GLI2: variants seen among roughly 807,000 people sequenced by gnomAD.
The protein encoded by GLI2 is GLI family zinc finger 2, also known as transcription activator GLI2.
GLI2 carries 22 observed loss-of-function variants against 78.9 expected under a neutral mutation model. That is an observed-to-expected ratio of 0.28 (90% CI 0.20 to 0.40). GLI2 has a LOEUF of 0.40. GLI2 is among the 10% of genes least tolerant of loss of function. The pLI, the probability that GLI2 is intolerant of heterozygous loss-of-function variation, is 1.00. For synonymous variants in GLI2, 974 were observed against 963.7 expected (o/e 1.01, Z -0.20); for missense variants, 2,097 against 2,213.2 (o/e 0.95, Z 1.05).
intron 2 of GLI2, among the ~76,000 whole-genome samples, chr2:120,924,205 C>T (rs1044039750): frequency 6.6e-6 from 1 of 152,146 alleles, no homozygotes; most frequent in Non-Finnish European, 1.5e-5. Flanking sequence ...GCTGGGAAGA[C>T]CCAGGAGCTG....
At chr2:120,909,271 G>T (rs1678693333) in intron 2 of GLI2, among the ~76,000 whole-genome samples, 2 of 151,918 alleles carry the variant, frequency 1.3e-5, no homozygotes, top group South Asian at 2.1e-4. Context: ...GCCTGGCTGG[G>T]CCCTGCAGCC....
At chr2:120,936,083 C>T (rs896107189) in intron 3 of GLI2, among the ~76,000 whole-genome samples, 2 of 152,216 alleles carry the variant, frequency 1.3e-5, no homozygotes, top group Admixed American at 6.5e-5. Context: ...TCCCCACTGT[C>T]GGACATTTCC....
intron 1 of GLI2, among the ~76,000 whole-genome samples, chr2:120,747,386 C>G (rs1215403132): frequency 6.6e-6 from 1 of 152,160 alleles, no homozygotes; most frequent in African/African-American, 2.4e-5. Flanking sequence ...CCATGTTCAC[C>G]TGGGCAGTAG....
chr2:120,961,228 C>G (rs911751817), intron 5 of GLI2, among the ~76,000 whole-genome samples: 3 of 152,204 alleles, frequency 2.0e-5, no homozygotes, highest in African/African-American at 7.2e-5. Context: ...ATGTCACCTC[C>G]ATTCTGACGC....
rs1553480343 is a variant in GLI2, at chr2:120,992,048, A to ACACACC, written c.*1376_*1377insACCCAC. On this transcript the variant is annotated 3_prime_UTR_variant, in exon 14 of 14. Transcript: ENST00000361492. ...CACACACACACACACACACACACACACACCCCAAACCTTTTCATGGGGAAT... is the reference window on the plus strand; with the variant it reads ...CACACACACACACACACACACACACACACACCCACCCCAAACCTTTTCATGGGGAAT... 1 of 147,514 alleles carries ACACACC rather than the reference A, an allele frequency of 6.8e-6. No individual in the cohort carries two copies. The highest frequency in any genetic ancestry group is 1.5e-5 in the Non-Finnish European group (1 of 67,486). 9.1% of individuals were successfully genotyped at this position (147,514 alleles called of 1,614,324 possible). A position where few individuals can be genotyped will look rare whatever the true frequency, so the allele number is the denominator to read the frequency against.
rs542836637 is a variant in GLI2 at position 120,895,786 on chromosome 2, CCA to C, written c.149-31574_149-31573del. ...TTCCCTGGGAGGATGGGCCCGGAACCCAGAGACACTTCGTCTGGTCACTGGTC... is the reference window on the plus strand; with the variant it reads ...TTCCCTGGGAGGATGGGCCCGGAACCGAGACACTTCGTCTGGTCACTGGTC... On this transcript the variant is annotated intron_variant, in intron 2 of 13. Transcript: ENST00000361492. Among the ~76,000 whole-genome samples, 4 of 152,290 alleles carry C rather than the reference CCA, an allele frequency of 2.6e-5. No individual in the cohort carries two copies. In the South Asian group the frequency reaches 8.3e-4, roughly 32 times the overall value.
chr2:120,769,000 C>T (rs1683449118), intron 1 of GLI2, among the ~76,000 whole-genome samples: 1 of 152,200 alleles, frequency 6.6e-6, no homozygotes, highest in Non-Finnish European at 1.5e-5. Flanking sequence ...TGACAGCCTT[C>T]CCCAGGCTGG....
intron 3 of GLI2, among the ~76,000 whole-genome samples, chr2:120,945,535 A>C (rs1444861379): frequency 6.6e-6 from 1 of 152,168 alleles, no homozygotes; most frequent in East Asian, 1.9e-4. Flanking sequence ...CATTCTGGGC[A>C]GTGGGAAGCT....
intron 2 of GLI2, among the ~76,000 whole-genome samples, chr2:120,816,197 T>G (rs1685485313): frequency 6.6e-6 from 1 of 151,012 alleles, no homozygotes; most frequent in Non-Finnish European, 1.5e-5. Context: ...AAGAGCTTTT[T>G]TTTTTTTTTT....
At position 120,970,581 on chromosome 2, in the gene GLI2, G is replaced by A. The variant is rs1558925321; in HGVS notation, c.1034G>A (p.Ser345Asn). The A allele has an allele frequency of 1.2e-6, 2 of 1,613,946 alleles. No individual in the cohort carries two copies. Among genetic ancestry groups the A allele is most frequent in the East Asian group, 2.2e-5 (1 of 44,896 alleles). ...ACGCCCACCCAGCTCAGCAGCAGCA[G>A]CAACTGTCTGAGTGACACCAACCAG... ...NATPTQLSSS[S>N]NCLSDTNQNK... Residue 345 changes from serine to asparagine, a missense_variant, in exon 7 of 14, where the codon AGC (serine) becomes AAC (asparagine). Ser to Asn is a conservative substitution (Grantham distance 46, BLOSUM62 1). Around this residue, in one of 5 missense-constraint regions of GLI2, gnomAD observed 578 missense variants for 612.0 expected, o/e 0.94. Coordinates refer to ENST00000361492, the MANE Select transcript of GLI2 (RefSeq NM_001374353.1).
chr2:120,807,832 G>A (rs903093705), intron 2 of GLI2, among the ~76,000 whole-genome samples: 5 of 152,152 alleles, frequency 3.3e-5, no homozygotes, highest in Non-Finnish European at 4.4e-5. Flanking sequence ...CTGTGTGCAC[G>A]GCTTGCTTGG....
rs111956094 is a variant in GLI2 at position 120,861,653 on chromosome 2, G to A, written c.148+64185G>A. Among the ~76,000 whole-genome samples, 1,460 of 152,338 alleles carry A rather than the reference G, an allele frequency of 9.6e-3. 24 individuals carry two copies. The highest frequency in any genetic ancestry group is 0.033 in the African/African-American group (1,382 of 41,568). ...CAGGGATTAACCCTCCACGGCCCGT[G>A]GCATTCTCCCAGCTCGCTGACCCTG... is the stretch of plus-strand genomic sequence containing the variant. On this transcript the variant is annotated intron_variant, in intron 2 of 13. Coordinates refer to ENST00000361492, the MANE Select transcript of GLI2 (RefSeq NM_001374353.1).
intron 2 of GLI2, among the ~76,000 whole-genome samples, chr2:120,908,456 C>A (rs886945266): frequency 6.6e-6 from 1 of 152,190 alleles, no homozygotes; most frequent in Admixed American, 6.5e-5. Flanking sequence ...ATCTGCTTCC[C>A]GTGCAGACTC....
intron 2 of GLI2, among the ~76,000 whole-genome samples, chr2:120,876,296 A>G (rs942597080): frequency 6.6e-6 from 1 of 152,160 alleles, no homozygotes; most frequent in Non-Finnish European, 1.5e-5. Flanking sequence ...GAGCCGAGAT[A>G]GCGCCACTGC....
intron 2 of GLI2, among the ~76,000 whole-genome samples, chr2:120,823,797 C>T (rs903361338): frequency 3.3e-5 from 5 of 152,152 alleles, no homozygotes; most frequent in African/African-American, 1.2e-4. Context: ...GAAGTGAAGC[C>T]GTGTGGGATT....
intron 3 of GLI2, among the ~76,000 whole-genome samples, chr2:120,934,137 T>G (rs920492422): frequency 1.1e-4 from 16 of 152,222 alleles, no homozygotes; most frequent in African/African-American, 3.6e-4. Flanking sequence ...CGCCGCTGCT[T>G]GCTTGACGTC....
intron 3 of GLI2, among the ~76,000 whole-genome samples, chr2:120,934,768 G>A (rs542828583): frequency 5.3e-5 from 8 of 152,226 alleles, no homozygotes; most frequent in African/African-American, 1.4e-4. Context: ...ATGTTTAGCC[G>A]GGTGTCGGTG....
At chr2:120,972,204 G>A in intron 8 of GLI2, 141 bp downstream of exon 8, 1 of 898,088 alleles carries the variant, frequency 1.1e-6, no homozygotes, top group East Asian at 2.6e-5. Context: ...GGACTGGGTG[G>A]GAATGCTGAG....
intron 2 of GLI2, among the ~76,000 whole-genome samples, chr2:120,896,184 T>C (rs570838118): frequency 6.6e-6 from 1 of 152,288 alleles, no homozygotes; most frequent in South Asian, 2.1e-4. Context: ...TCTCATAGCA[T>C]TAAGTGTGGC....
Sources: gnomAD v4.1 joint callset for allele counts (sites outside exome capture counted in the v4.1 genomes callset) on GRCh38, gnomAD v4.1.1 for gene constraint, gnomAD v4.1.1 regional missense constraint, MANE v1.5 for transcripts, NCBI Gene and HGNC (gene_info 2026-07-23, HGNC 2026-07-21) for gene names.